The following PCDHA12 variants were observed in gnomAD, a reference collection of about 807,000 sequenced individuals.
PCDHA12 encodes the protein protocadherin alpha-12.
PCDHA12 carries 44 observed loss-of-function variants against 60.0 expected under a neutral mutation model. The observed-to-expected ratio is 0.73, with a 90% confidence interval of 0.58 to 0.94. The LOEUF (loss-of-function observed/expected upper bound fraction) is 0.94. PCDHA12 is among the 40% of genes least tolerant of loss of function. The pLI is 0.00. For missense variants in PCDHA12, 1,276 were observed against 1,239.7 expected, an observed-to-expected ratio of 1.03 and a Z score of -0.44; for synonymous variants, 569 against 553.0, an observed-to-expected ratio of 1.03 and a Z score of -0.40.
intron 1 of PCDHA12, among the ~76,000 whole-genome samples, chr5:140,905,945 T>C (rs2072222090): frequency 6.6e-6 from 1 of 152,150 alleles, no homozygotes; most frequent in Non-Finnish European, 1.5e-5. Flanking sequence ...GAACTTGGAA[T>C]CCGATGTTCA....
intron 3 of PCDHA12, among the ~76,000 whole-genome samples, chr5:140,993,154 A>T (rs2097543247): frequency 6.6e-6 from 1 of 152,220 alleles, no homozygotes; most frequent in Admixed American, 6.5e-5. Flanking sequence ...AATGGATTCT[A>T]AATATTTGCC....
intron 1 of PCDHA12, chr5:140,968,038 C>T (rs1554230238): frequency 8.7e-6 from 14 of 1,614,148 alleles, no homozygotes; most frequent in East Asian, 2.2e-5. Flanking sequence ...TGGTGGTGAG[C>T]GGCCCACTGG....
At chr5:140,995,515 C>T (rs1476035141) in intron 3 of PCDHA12, among the ~76,000 whole-genome samples, 2 of 152,078 alleles carry the variant, frequency 1.3e-5, no homozygotes, top group East Asian at 1.9e-4. Context: ...TAACTGAAGC[C>T]TCAGAAATCA....
At chr5:140,984,576 C>G (rs1309554018) in intron 3 of PCDHA12, among the ~76,000 whole-genome samples, 1 of 152,104 alleles carries the variant, frequency 6.6e-6, no homozygotes, top group African/African-American at 2.4e-5. Context: ...CCATGGCAAC[C>G]TAATCATACT....
chr5:140,971,161 C>T (rs189213416), intron 1 of PCDHA12, among the ~76,000 whole-genome samples: 1 of 152,292 alleles, frequency 6.6e-6, no homozygotes, highest in Non-Finnish European at 1.5e-5. Flanking sequence ...CCAGGCTCAG[C>T]TTTGCCACCA....
At chr5:140,879,960 C>T (rs781917048) in intron 1 of PCDHA12, among the ~76,000 whole-genome samples, 3 of 152,168 alleles carry the variant, frequency 2.0e-5, no homozygotes, top group Non-Finnish European at 4.4e-5. Flanking sequence ...TCTGGATAAT[C>T]CAGGATAAAC....
At chr5:140,892,083 C>T (rs1019565386) in intron 1 of PCDHA12, among the ~76,000 whole-genome samples, 5 of 152,144 alleles carry the variant, frequency 3.3e-5, no homozygotes, top group African/African-American at 1.2e-4. Context: ...TTTCTAGTTT[C>T]CTCTCGAAAC....
chr5:140,988,495 G>GT (rs2097300130), intron 3 of PCDHA12, among the ~76,000 whole-genome samples: 1 of 152,158 alleles, frequency 6.6e-6, no homozygotes, highest in Non-Finnish European at 1.5e-5. Context: ...CTACCTAGGA[G>GT]AAGCCATGAA....
intron 3 of PCDHA12, among the ~76,000 whole-genome samples, chr5:141,000,412 TA>T (rs2097919630): frequency 4.9e-5 from 5 of 102,770 alleles, no homozygotes; most frequent in Non-Finnish European, 5.8e-5. Context: ...TATATATATA[TA>T]TATATATATT....
At chr5:140,888,161 C>G (rs1272451290) in intron 1 of PCDHA12, among the ~76,000 whole-genome samples, 1 of 152,160 alleles carries the variant, frequency 6.6e-6, no homozygotes, top group Non-Finnish European at 1.5e-5. Context: ...CTGGTAATCT[C>G]TAATAAGATG....
chr5:140,905,011 T>A (rs551000720), intron 1 of PCDHA12, among the ~76,000 whole-genome samples: 44 of 152,296 alleles, frequency 2.9e-4, no homozygotes, highest in African/African-American at 1.0e-3. Context: ...CTTTGCTAAT[T>A]CTTTTCTATG....
At chr5:140,880,840 GT>G (rs1554171522) in intron 1 of PCDHA12, among the ~76,000 whole-genome samples, 2 of 152,176 alleles carry the variant, frequency 1.3e-5, no homozygotes, top group Admixed American at 6.5e-5. Flanking sequence ...ATTTTAAATG[GT>G]TGACTATGTA....
intron 1 of PCDHA12, chr5:140,883,939 C>T (rs782266148): frequency 6.2e-7 from 1 of 1,613,422 alleles, no homozygotes; most frequent in Non-Finnish European, 8.5e-7. Context: ...TCGTGCTGGA[C>T]GAGAACGACA....
intron 1 of PCDHA12, 68 bp downstream of exon 1, chr5:140,877,907 T>G (rs2057390973): frequency 2.1e-6 from 3 of 1,433,442 alleles, no homozygotes; most frequent in Non-Finnish European, 2.8e-6. Context: ...TATAACTACA[T>G]TCTCTCATTT....
At chr5:140,964,009 A>G (rs1435043905) in intron 1 of PCDHA12, among the ~76,000 whole-genome samples, 1 of 152,160 alleles carries the variant, frequency 6.6e-6, no homozygotes, top group Non-Finnish European at 1.5e-5. Context: ...CTACTTTTTA[A>G]TAGAGAGCTC....
chr5:140,877,117 G>T lies in PCDHA12; in HGVS notation c.1645G>T (p.Val549Leu), dbSNP rs781979355. Residue 549 changes from valine (V) to leucine (L), a missense_variant, in exon 1 of 4, where the codon GTG (valine) becomes TTG (leucine). Transcript: ENST00000398631. ...DAGVPPLGSN[V>L]TLQVFVLDEN... ...CGGCGTGCCGCCTCTGGGCAGCAAC[G>T]TGACGCTGCAGGTGTTCGTGCTGGA... 6.8e-6 allele frequency: 11 copies of T among 1,613,720 alleles called. No homozygotes were observed. The highest frequency in any genetic ancestry group is 3.3e-5 in the Admixed American group (2 of 60,004).
At chr5:140,991,022 C>T (rs1324609159) in intron 3 of PCDHA12, among the ~76,000 whole-genome samples, 1 of 152,164 alleles carries the variant, frequency 6.6e-6, no homozygotes, top group Non-Finnish European at 1.5e-5. Flanking sequence ...AAGCACTTTA[C>T]ATATGTTGCA....
At position 141,010,449 on chromosome 5, in the gene PCDHA12, C is replaced by T. The variant is rs764975082; in HGVS notation, c.*512C>T. ...CAAGAAAACAAAGACAAATAAACAG[C>T]GGAAGTTATCAGTATGGAGGGGAAG... On this transcript the variant is annotated 3_prime_UTR_variant, in exon 4 of 4. Coordinates refer to ENST00000398631, the MANE Select transcript of PCDHA12 (RefSeq NM_018903.4). 14 of 915,348 alleles carry T rather than the reference C, an allele frequency of 1.5e-5. No homozygotes were observed. Among genetic ancestry groups the T allele is most frequent in the Non-Finnish European group, 2.1e-5 (13 of 631,774 alleles). 56.7% of individuals were successfully genotyped at this position (915,348 alleles called of 1,614,324 possible).
intron 1 of PCDHA12, chr5:140,929,053 T>C (rs781847457): frequency 6.2e-7 from 1 of 1,614,182 alleles, no homozygotes; most frequent in Non-Finnish European, 8.5e-7. Flanking sequence ...CTGCTGTCGC[T>C]CTACAGAGGA....
Sources: gnomAD v4.1 joint callset for allele counts (sites outside exome capture counted in the v4.1 genomes callset) on GRCh38, gnomAD v4.1.1 for gene constraint, MANE v1.5 for transcripts, NCBI Gene and HGNC (gene_info 2026-07-23, HGNC 2026-07-21) for gene names.